Variants in CCNG2 observed in about 807,000 individuals in gnomAD.
CCNG2 encodes cyclin-G2.
CCNG2 carries 20 observed loss-of-function variants against 36.5 expected under a neutral mutation model. That is an observed-to-expected ratio of 0.55 (90% CI 0.39 to 0.80). CCNG2 has a LOEUF of 0.80. CCNG2 is among the 30% of genes least tolerant of loss of function. CCNG2 has a pLI of 0.00. For missense variants in CCNG2, 358 were observed against 390.8 expected, an observed-to-expected ratio of 0.92 and a Z score of 0.71; for synonymous variants, 155 against 140.1, an observed-to-expected ratio of 1.11 and a Z score of -0.75.
intron 6 of CCNG2, among the ~76,000 whole-genome samples, chr4:77,162,470 C>T (rs893119201): frequency 8.7e-5 from 13 of 150,176 alleles, no homozygotes; most frequent in African/African-American, 3.0e-4. Flanking sequence ...GCAACCTCAG[C>T]CTCTCGGGTT....
intron 2 of CCNG2, 65 bp downstream of exon 2, chr4:77,158,735 G>T (rs957162241): frequency 7.7e-6 from 12 of 1,560,892 alleles, no homozygotes; most frequent in Non-Finnish European, 8.8e-6. Context: ...TAACCCCCCC[G>T]CCCCCGTTGA....
intron 6 of CCNG2, 72 bp from the exon 7 acceptor site, chr4:77,164,202 C>T: frequency 9.4e-7 from 1 of 1,068,706 alleles, no homozygotes; most frequent in Non-Finnish European, 1.4e-6. Context: ...TTTCATAGCT[C>T]ACCTAGTGAT....
intron 7 of CCNG2, chr4:77,164,743 C>A (rs1731584602): frequency 3.4e-6 from 1 of 293,630 alleles, no homozygotes; most frequent in Non-Finnish European, 6.5e-6. Context: ...CGATGTTGCC[C>A]AGGGCTGGTC....
rs1270251235 is a variant in CCNG2, at chr4:77,168,676, G to A, written c.*2752G>A. ...ACTAAGGCAGTGGAAGTGTGGATGA[G>A]GAAGAGAGGTGAAAATTGAGAAGCG... On this transcript the variant is annotated 3_prime_UTR_variant, in exon 8 of 8. Transcript: ENST00000316355. 6.7e-6 allele frequency: 1 copy of A among 150,134 alleles called. No homozygotes were observed. 9.3% of individuals were successfully genotyped at this position (150,134 alleles called of 1,614,324 possible). A position where few individuals can be genotyped will look rare whatever the true frequency, so the allele number is the denominator to read the frequency against.
intron 1 of CCNG2, among the ~76,000 whole-genome samples, chr4:77,158,123 T>TC (rs1478261994): frequency 1.3e-5 from 2 of 149,412 alleles, no homozygotes; most frequent in Admixed American, 6.6e-5. Context: ...CTCCCTCCCC[T>TC]CCCCCCTATT....
Position 77,168,021 on chromosome 4 carries a change from C to T in CCNG2, c.*2097C>T, listed in dbSNP as rs1222465828. 6.6e-6 allele frequency: 1 copy of T among 152,208 alleles called. No individual in the cohort carries two copies. Among genetic ancestry groups the T allele is most frequent in the Non-Finnish European group, 1.5e-5 (1 of 68,050 alleles). 9.4% of individuals were successfully genotyped at this position (152,208 alleles called of 1,614,324 possible). A position where few individuals can be genotyped will look rare whatever the true frequency, so the allele number is the denominator to read the frequency against. ...TGGGTAAGCATCTTTGTGGCTTCAT[C>T]TCTTCCCCCTGTGGTTTTCAGTGTA... On this transcript the variant is annotated 3_prime_UTR_variant, in exon 8 of 8. Coordinates refer to ENST00000316355, the MANE Select transcript of CCNG2 (RefSeq NM_004354.3).
Position 77,161,540 on chromosome 4 carries a change from C to T in CCNG2, c.588C>T (p.Leu196=), listed in dbSNP as rs565070507. The T allele has an allele frequency of 1.9e-6, 3 of 1,610,740 alleles. No homozygotes were observed. In the South Asian group the frequency reaches 3.3e-5, roughly 18 times the overall value. ...AGCTGAAAGCTTGCAACTGCCGACT[C>T]ATCTTTTCAAAAGCAAAAGTAAGTC... ...EAQLKACNCR[L]IFSKAKPSVL... The change falls in exon 5 of 8, where the codon CTC becomes CTT. Residue 196 remains leucine (L), a synonymous_variant. Coordinates refer to ENST00000316355, the MANE Select transcript of CCNG2 (RefSeq NM_004354.3).
At chr4:77,165,558 C>T (rs1026896492) in intron 7 of CCNG2, among the ~76,000 whole-genome samples, 10 of 152,020 alleles carry the variant, frequency 6.6e-5, no homozygotes, top group East Asian at 1.9e-4. Context: ...CTGCACACTT[C>T]GGCCTCCCAA....
chr4:77,162,858 A>G (rs1731522840), intron 6 of CCNG2, among the ~76,000 whole-genome samples: 1 of 152,000 alleles, frequency 6.6e-6, no homozygotes, highest in South Asian at 2.1e-4. Context: ...ACTTACAGGT[A>G]CAATGTCTAG....
chr4:77,164,574 G>A, intron 7 of CCNG2, 95 bp downstream of exon 7: 1 of 861,338 alleles, frequency 1.2e-6, no homozygotes, highest in Non-Finnish European at 1.8e-6. Context: ...ATCAGAGAAA[G>A]CAAGCACCTA....
chr4:77,159,802 G>C (rs1297548934), intron 3 of CCNG2, among the ~76,000 whole-genome samples: 1 of 152,168 alleles, frequency 6.6e-6, no homozygotes, highest in African/African-American at 2.4e-5. Flanking sequence ...CTCAATATAA[G>C]ATTTCATCTG....
chr4:77,166,099 C>A lies in CCNG2; in HGVS notation c.*175C>A. 2.0e-6 allele frequency: 1 copy of A among 504,984 alleles called. No individual in the cohort carries two copies. The highest frequency in any genetic ancestry group is 3.3e-6 in the Non-Finnish European group (1 of 301,694). The allele number at this position is 504,984 out of a possible 1,614,324, so 31.3% of individuals were successfully genotyped here. ...TATTTTCATATTTATCCTAAGCCAT[C>A]AAATGGGGTAGTGCCTCTTAAACCA... On this transcript the variant is annotated 3_prime_UTR_variant, in exon 8 of 8. Transcript: ENST00000316355.
At chr4:77,157,984 C>G (rs1039486137) in intron 1 of CCNG2, among the ~76,000 whole-genome samples, 2 of 151,978 alleles carry the variant, frequency 1.3e-5, no homozygotes, top group Non-Finnish European at 2.9e-5. Context: ...AGTCCGGAAT[C>G]GGCGCTGCAG....
intron 6 of CCNG2, among the ~76,000 whole-genome samples, chr4:77,164,043 T>C (rs1731556486): frequency 6.6e-6 from 1 of 152,212 alleles, no homozygotes; most frequent in South Asian, 2.1e-4. Context: ...AAACCAGTGG[T>C]TCCCAAATTT....
intron 6 of CCNG2, 132 bp downstream of exon 6, chr4:77,161,879 G>A (rs565189271): frequency 1.6e-6 from 1 of 617,192 alleles, no homozygotes; most frequent in Non-Finnish European, 2.8e-6. Context: ...TATATCTCTA[G>A]TGTTAAAGTT....
At chr4:77,158,254 G>A (rs1255037618) in intron 1 of CCNG2, 2 of 424,892 alleles carry the variant, frequency 4.7e-6, no homozygotes, top group South Asian at 3.3e-5. Context: ...GGCGCCCGCG[G>A]ACAGTTTCCT....
chr4:77,160,540 G>T (rs1463957317), intron 3 of CCNG2, among the ~76,000 whole-genome samples, 181 bp from the exon 4 acceptor site: 1 of 149,538 alleles, frequency 6.7e-6, no homozygotes, highest in Non-Finnish European at 1.5e-5. Context: ...TTGGGGGGGG[G>T]GGGAGGTCGA....
intron 1 of CCNG2, among the ~76,000 whole-genome samples, chr4:77,158,094 T>C (rs1314350008): frequency 6.6e-6 from 1 of 151,944 alleles, no homozygotes; most frequent in African/African-American, 2.4e-5. Context: ...CCTCCGCTTC[T>C]TTGTTCAGTC....
At position 77,164,410 on chromosome 4, in the gene CCNG2, A is replaced by G; in HGVS notation, c.842A>G (p.His281Arg). 1 of 1,614,154 alleles carries G rather than the reference A, an allele frequency of 6.2e-7. No individual in the cohort carries two copies. The highest frequency in any genetic ancestry group is 2.2e-5 in the East Asian group (1 of 44,880). ...TCAAGGCGCACAGCCCAGAACCTCCACAACAGCTACTATAGTGTTCCTGAG... is the reference window on the plus strand; with the variant it reads ...TCAAGGCGCACAGCCCAGAACCTCCGCAACAGCTACTATAGTGTTCCTGAG... ...IVSRRTAQNL[H>R]NSYYSVPELP... Residue 281 changes from histidine (H) to arginine (R), a missense_variant, in exon 7 of 8, where the codon CAC becomes CGC. Coordinates refer to ENST00000316355, the MANE Select transcript of CCNG2 (RefSeq NM_004354.3).
Sources: gnomAD v4.1 joint callset for allele counts (sites outside exome capture counted in the v4.1 genomes callset) on GRCh38, gnomAD v4.1.1 for gene constraint, MANE v1.5 for transcripts, NCBI Gene and HGNC (gene_info 2026-07-23, HGNC 2026-07-21) for gene names.